The following PXDN variants were observed in gnomAD, a reference collection of about 807,000 sequenced individuals.
PXDN encodes peroxidasin, also known as peroxidasin homolog.
In PXDN, 77 loss-of-function variants were observed where a neutral mutation model predicts 140.3. The ratio of observed to expected loss-of-function variants is 0.55; its 90% CI spans 0.46 to 0.66. The LOEUF (loss-of-function observed/expected upper bound fraction) is 0.66. Among genes scored for constraint, PXDN ranks in the 30% least tolerant of loss-of-function variants. The pLI is 0.00. For missense variants in PXDN, 1,838 were observed against 2,039.5 expected, an observed-to-expected ratio of 0.90 and a Z score of 1.90; for synonymous variants, 911 against 857.4, an observed-to-expected ratio of 1.06 and a Z score of -1.09.
chr2:1,701,194 G>A (rs1478818829), intron 1 of PXDN, among the ~76,000 whole-genome samples: 1 of 152,134 alleles, frequency 6.6e-6, no homozygotes, highest in Non-Finnish European at 1.5e-5. Flanking sequence ...TCCTACTAAG[G>A]ACTGCCTTTC....
At chr2:1,667,239 A>C (rs1447890512) in intron 9 of PXDN, among the ~76,000 whole-genome samples, 1 of 152,208 alleles carries the variant, frequency 6.6e-6, no homozygotes, top group Non-Finnish European at 1.5e-5. Context: ...TAATTTGAAA[A>C]GATTAACAAA....
chr2:1,673,987 G>T (rs1683638353), intron 8 of PXDN, among the ~76,000 whole-genome samples, 175 bp from the exon 9 acceptor site: 1 of 152,184 alleles, frequency 6.6e-6, no homozygotes, highest in African/African-American at 2.4e-5. Flanking sequence ...ATTCTGAAAA[G>T]GGGACCGTGT....
intron 21 of PXDN, among the ~76,000 whole-genome samples, chr2:1,638,054 C>T (rs1261439468): frequency 1.3e-5 from 2 of 152,150 alleles, no homozygotes; most frequent in Admixed American, 1.3e-4. Context: ...TGGGGGTTAC[C>T]TTGGGGCTAC....
intron 1 of PXDN, among the ~76,000 whole-genome samples, chr2:1,702,512 C>A (rs1414186317): frequency 6.6e-6 from 1 of 152,258 alleles, no homozygotes; most frequent in Non-Finnish European, 1.5e-5. Context: ...CAGGTCTCGG[C>A]CAATTTAGAA....
At position 1,658,083 on chromosome 2, in the gene PXDN, T is replaced by TCTCTCTCTCTCCCCCC. The variant is rs1553359698; in HGVS notation, c.1837+2797_1837+2798insGGGGGGAGAGAGAGAG. Among the ~76,000 whole-genome samples, 2 of 77,700 alleles carry TCTCTCTCTCTCCCCCC rather than the reference T, an allele frequency of 2.6e-5. 1 individual carries two copies. Among genetic ancestry groups the TCTCTCTCTCTCCCCCC allele is most frequent in the East Asian group, 8.0e-4 (2 of 2,512 alleles). The allele number at this position is 77,700 out of a possible 152,430, so 51.0% of individuals were successfully genotyped here. On this transcript the variant is annotated intron_variant, in intron 14 of 22. Coordinates refer to ENST00000252804, the MANE Select transcript of PXDN (RefSeq NM_012293.3). ...CTCTCTCTCTCTCTCTCTCTCTCTC[T>TCTCTCTCTCTCCCCCC]CTCTCTCTCTGTTACAGTGTCTGCG...
chr2:1,743,970 G>C (rs1451099101), intron 1 of PXDN, among the ~76,000 whole-genome samples: 1 of 152,052 alleles, frequency 6.6e-6, no homozygotes, highest in Non-Finnish European at 1.5e-5. Context: ...CAGTCCTGCG[G>C]GGATTCCGAG....
At position 1,648,025 on chromosome 2, in the gene PXDN, T is replaced by C; in HGVS notation, c.3608+147A>G. 8.4e-7 allele frequency: 1 copy of C among 1,194,680 alleles called. No individual in the cohort carries two copies. The highest frequency in any genetic ancestry group is 1.2e-6 in the Non-Finnish European group (1 of 847,594). The allele number at this position is 1,194,680 out of a possible 1,614,324, so 74.0% of individuals were successfully genotyped here. ...AGCCACGGGAGGCTGCAGGTTCCCA[T>C]CTTGACCTTCATGGACTTGACCTTC... is the stretch of plus-strand genomic sequence containing the variant. On this transcript the variant is annotated intron_variant, in intron 17 of 22. Transcript: ENST00000252804. This position sits in a 1 kb window ranked among gnomAD's most constrained non-coding sequence, Gnocchi z 8.9.
rs541802132 is a variant in PXDN, at chr2:1,741,939, T to C, written c.200+2317A>G. 7.2e-4 allele frequency among the ~76,000 whole-genome samples: 110 copies of C among 152,160 alleles called. 1 individual carries two copies. The highest frequency in any genetic ancestry group is 6.8e-3 in the Middle Eastern group (2 of 294). ...TGCCCCCAGAGACCCCTCAACAGGA[T>C]ATCCCCGCAGAATAGGTCTCCCTCT... On this transcript the variant is annotated intron_variant, in intron 1 of 22. Transcript: ENST00000252804.
intron 7 of PXDN, among the ~76,000 whole-genome samples, chr2:1,679,252 CGT>C (rs1434238305): frequency 8.4e-6 from 1 of 118,506 alleles, no homozygotes; most frequent in Admixed American, 8.6e-5. Context: ...ATGGCATGTG[CGT>C]GTGTGGTGTG....
intron 1 of PXDN, among the ~76,000 whole-genome samples, chr2:1,697,694 G>A (rs1408186640): frequency 6.6e-6 from 1 of 152,156 alleles, no homozygotes; most frequent in Non-Finnish European, 1.5e-5. Flanking sequence ...CTGGGGCTCC[G>A]TGCTCCCACC....
intron 1 of PXDN, among the ~76,000 whole-genome samples, chr2:1,709,243 C>T (rs1271520070): frequency 6.6e-6 from 1 of 152,214 alleles, no homozygotes; most frequent in African/African-American, 2.4e-5. Flanking sequence ...GAGGAGGAGG[C>T]CAGGCACCAG....
At chr2:1,669,528 AATGTCAT>A (rs1170048236) in intron 9 of PXDN, among the ~76,000 whole-genome samples, 2 of 152,178 alleles carry the variant, frequency 1.3e-5, no homozygotes, top group African/African-American at 2.4e-5. Context: ...AAGCACATAA[AATGTCAT>A]ATGTCCAAAT....
chr2:1,666,158 T>A, intron 10 of PXDN, 56 bp downstream of exon 10: 1 of 1,593,116 alleles, frequency 6.3e-7, no homozygotes. Context: ...CGCGAGCTAG[T>A]GGAGGGGTGA....
At position 1,644,610 on chromosome 2, in the gene PXDN, G is replaced by A. The variant is rs772534208; in HGVS notation, c.3743+8C>T. ...GAGCGTGCTCCCCTTTCTGGTGCAC[G>A]TGCTCACCTGTCCCCATCTCGCAGG... On this transcript the variant is annotated splice_region_variant and intron_variant, in intron 18 of 22. Coordinates refer to ENST00000252804, the MANE Select transcript of PXDN (RefSeq NM_012293.3). 3.1e-6 allele frequency: 5 copies of A among 1,588,354 alleles called. No homozygotes were observed. The highest frequency in any genetic ancestry group is 2.3e-5 in the South Asian group (2 of 87,140).
intron 7 of PXDN, among the ~76,000 whole-genome samples, chr2:1,678,794 C>T (rs1415167267): frequency 6.6e-6 from 1 of 152,180 alleles, no homozygotes; most frequent in Admixed American, 6.5e-5. Context: ...TGTTGACAGC[C>T]AGTGCCCTGC....
Position 1,665,020 on chromosome 2 carries a change from G to C in PXDN, c.1346C>G (p.Thr449Ser), listed in dbSNP as rs568012430. Reference protein sequence around the residue: ...PQDRVVIEGQTVDFQCEAKGN... With the variant: ...PQDRVVIEGQSVDFQCEAKGN... ...CTTGGCTTCACACTGGAAATCCACG[G>C]TCTGGCCCTCAATAACGACTCTGTC... The change falls in exon 11 of 23, where the codon ACC (threonine) becomes AGC (serine). Residue 449 changes from threonine (T) to serine (S), a missense_variant. Thr to Ser is a moderately conservative substitution (Grantham distance 58, BLOSUM62 1). Coordinates refer to ENST00000252804, the MANE Select transcript of PXDN (RefSeq NM_012293.3). 1 of 1,612,706 alleles carries C rather than the reference G, an allele frequency of 6.2e-7. No individual in the cohort carries two copies. Among genetic ancestry groups the C allele is most frequent in the Non-Finnish European group, 8.5e-7 (1 of 1,179,346 alleles).
rs567242768 is a variant in PXDN, at chr2:1,660,832, C to G, written c.1837+49G>C. On this transcript the variant is annotated intron_variant, in intron 14 of 22. Transcript: ENST00000252804. This position sits in a 1 kb window ranked among gnomAD's most constrained non-coding sequence, Gnocchi z 4.6. ...TGGGACCACACTAGGGACCTGCGGG[C>G]TTTCTTTGTGGATACCATGTGGGTA... is the stretch of plus-strand genomic sequence containing the variant. 4.3e-5 allele frequency: 68 copies of G among 1,573,916 alleles called. 2 individuals are homozygous for G. In the South Asian group the frequency reaches 6.7e-4, roughly 15 times the overall value.
At chr2:1,693,182 AC>A in intron 1 of PXDN, 48 bp from the exon 2 acceptor site, 1 of 1,396,212 alleles carries the variant, frequency 7.2e-7, no homozygotes, top group African/African-American at 1.4e-5. Context: ...AAATCTACAA[AC>A]ATCGCTACAC....
chr2:1,702,544 GGACATGCCCATGACACA>G (rs1684459755), intron 1 of PXDN, among the ~76,000 whole-genome samples: 1 of 152,246 alleles, frequency 6.6e-6, no homozygotes, highest in South Asian at 2.1e-4. Flanking sequence ...CCAAGGTCGA[GGACATGCCCATGACACA>G]GCCTCAGGAG....
Sources: gnomAD v4.1 joint callset for allele counts (sites outside exome capture counted in the v4.1 genomes callset) on GRCh38, gnomAD v4.1.1 for gene constraint, Gnocchi (gnomAD v3.1) non-coding constraint, MANE v1.5 for transcripts, NCBI Gene and HGNC (gene_info 2026-07-23, HGNC 2026-07-21) for gene names.